Variants in CDH2 observed in about 807,000 individuals in gnomAD.
The protein encoded by CDH2 is cadherin 2.
CDH2 carries 17 observed loss-of-function variants against 92.0 expected under a neutral mutation model. The observed-to-expected ratio is 0.18, with a 90% CI of 0.13 to 0.28. The LOEUF (loss-of-function observed/expected upper bound fraction) is 0.28, where lower values mean the gene tolerates loss of function less well. Ranked by LOEUF, CDH2 falls within the 10% of genes least tolerant of loss-of-function variation. CDH2 has a pLI of 1.00. For synonymous variants in CDH2, 419 were observed against 415.9 expected, an observed-to-expected ratio of 1.01 and a Z score of -0.09; for missense variants, 862 against 1,133.1, an observed-to-expected ratio of 0.76 and a Z score of 3.44.
intron 2 of CDH2, among the ~76,000 whole-genome samples, chr18:28,114,598 TCTC>T (rs2015465396): frequency 6.6e-6 from 1 of 152,126 alleles, no homozygotes; most frequent in Non-Finnish European, 1.5e-5. Context: ...ATTATGTTCT[TCTC>T]CTTTAAATTC....
chr18:28,170,351 T>A (rs550656860), intron 1 of CDH2, among the ~76,000 whole-genome samples: 2 of 152,320 alleles, frequency 1.3e-5, no homozygotes, highest in Non-Finnish European at 1.5e-5. Context: ...GTAGCTTTTT[T>A]AAATTTTATT....
At chr18:28,139,488 A>G (rs2015918414) in intron 2 of CDH2, among the ~76,000 whole-genome samples, 1 of 152,030 alleles carries the variant, frequency 6.6e-6, no homozygotes, top group South Asian at 2.1e-4. Flanking sequence ...ACACACTCAA[A>G]TCAAGCTTCT....
At chr18:27,947,131 T>C (rs1001536010), downstream of CDH2, among the ~76,000 whole-genome samples, 1 of 151,800 alleles carries the variant, frequency 6.6e-6, no homozygotes, top group African/African-American at 2.4e-5. Context: ...ATTGCCGTTA[T>C]GATTGTTTGT....
At chr18:28,098,701 G>T (rs941798619) in intron 2 of CDH2, among the ~76,000 whole-genome samples, 1 of 152,148 alleles carries the variant, frequency 6.6e-6, no homozygotes. Context: ...GCACACAAAT[G>T]AGGAAACATG....
rs892895034 is a variant in CDH2 at position 28,003,122 on chromosome 18, C to T, written c.895G>A (p.Ala299Thr). ...VTAIDADDPN[A>T]LNGMLRYRIV... ...CTGTACCTCAACATCCCATTGAGGG[C>T]ATTGGGATCGTCAGCATCAATTGCT... Residue 299 changes from alanine (A) to threonine (T), a missense_variant, in exon 7 of 16, where the codon GCC (alanine) becomes ACC (threonine). By Grantham distance (58) the Ala-to-Thr change is moderately conservative. Transcript: ENST00000269141. The T allele has an allele frequency of 3.6e-5, 58 of 1,613,602 alleles. No individual in the cohort carries two copies. Among genetic ancestry groups the T allele is most frequent in the Non-Finnish European group, 4.6e-5 (54 of 1,179,706 alleles).
intron 15 of CDH2, chr18:27,959,471 G>A (rs944005423): frequency 2.0e-5 from 3 of 152,110 alleles, no homozygotes; most frequent in Non-Finnish European, 2.9e-5. Context: ...AAATTTGTGT[G>A]CCTTTTAAAT....
intron 7 of CDH2, among the ~76,000 whole-genome samples, chr18:27,999,328 T>C (rs997918578): frequency 5.3e-5 from 8 of 152,074 alleles, no homozygotes. Flanking sequence ...AACTTCATCC[T>C]ATAGGGCATG....
rs1342293248 is a variant in CDH2 at position 28,176,959 on chromosome 18, G to C, written c.60+4C>G. ...TGGCCCGGCCCGCGGGGACCGCCGC[G>C]TACCTGAAGCAGGGCCGCCAGCAGC... On this transcript the variant is annotated splice_donor_region_variant and intron_variant, in intron 1 of 15. Coordinates refer to ENST00000269141, the MANE Select transcript of CDH2 (RefSeq NM_001792.5). 3 of 1,380,586 alleles carry C rather than the reference G, an allele frequency of 2.2e-6. No individual in the cohort carries two copies. Among genetic ancestry groups the C allele is most frequent in the Non-Finnish European group, 2.8e-6 (3 of 1,063,872 alleles). The allele number at this position is 1,380,586 out of a possible 1,614,324, so 85.5% of individuals were successfully genotyped here.
intron 2 of CDH2, among the ~76,000 whole-genome samples, chr18:28,022,863 C>G (rs1050269152): frequency 2.0e-5 from 3 of 152,076 alleles, no homozygotes; most frequent in Non-Finnish European, 2.9e-5. Context: ...TCTATAAACT[C>G]TGTGTGTGTA....
intron 5 of CDH2, among the ~76,000 whole-genome samples, chr18:28,008,784 G>A (rs1359309792): frequency 6.6e-6 from 1 of 151,786 alleles, no homozygotes; most frequent in Non-Finnish European, 1.5e-5. Flanking sequence ...TTTAAAAGTT[G>A]GTAAAAGTAC....
chr18:28,086,694 T>A (rs765608156), intron 2 of CDH2, among the ~76,000 whole-genome samples: 8 of 78,890 alleles, frequency 1.0e-4, no homozygotes, highest in African/African-American at 2.4e-4. Context: ...TCTAGTTGAA[T>A]GGCTTCTTGT....
chr18:28,079,791 G>C (rs2014792356), intron 2 of CDH2, among the ~76,000 whole-genome samples: 1 of 152,022 alleles, frequency 6.6e-6, no homozygotes, highest in Admixed American at 6.6e-5. Context: ...ATGTGTAGTG[G>C]GTCACTGCTT....
chr18:28,127,294 C>T (rs999505213), intron 2 of CDH2, among the ~76,000 whole-genome samples: 3 of 152,198 alleles, frequency 2.0e-5, no homozygotes, highest in Non-Finnish European at 4.4e-5. Context: ...CTAGTTCCCA[C>T]AGGAGCAGTT....
In CDH2 at chr18:27,935,753, A is replaced by G. The variant is rs11564425; in HGVS notation, c.1152-2629T>C. On this transcript the variant is annotated intron_variant, in intron 6 of 6. Transcript: ENST00000675173. The stretch of plus-strand genomic sequence containing the variant: ...CTTAGCATGGTGCTTGGCACACAAC[A>G]GATGTCCAATCAGTCTCTATTGTTC... Among the ~76,000 whole-genome samples, 217 of 152,372 alleles carry G rather than the reference A, an allele frequency of 1.4e-3. 1 individual carries two copies. Among genetic ancestry groups the G allele is most frequent in the African/African-American group, 5.1e-3 (212 of 41,588 alleles).
chr18:28,041,467 G>A (rs1221332865), intron 2 of CDH2, among the ~76,000 whole-genome samples: 9 of 152,106 alleles, frequency 5.9e-5, no homozygotes, highest in Non-Finnish European at 7.4e-5. Context: ...ATCAAAGCCC[G>A]AAATCACACT....
At chr18:27,934,060 G>A (rs1231203903) in intron 6 of CDH2, among the ~76,000 whole-genome samples, 1 of 152,192 alleles carries the variant, frequency 6.6e-6, no homozygotes, top group Non-Finnish European at 1.5e-5. Flanking sequence ...TGACTGGCCT[G>A]TTTATATTCT....
At chr18:27,941,541 G>A (rs1331505993) in intron 6 of CDH2, among the ~76,000 whole-genome samples, 3 of 152,088 alleles carry the variant, frequency 2.0e-5, no homozygotes, top group Non-Finnish European at 2.9e-5. Flanking sequence ...TCTGATTAAC[G>A]AAAGCAATTA....
intron 6 of CDH2, among the ~76,000 whole-genome samples, chr18:27,933,698 C>T (rs532402200): frequency 7.9e-5 from 12 of 152,240 alleles, no homozygotes; most frequent in South Asian, 2.1e-4. Context: ...TTCGGATGCC[C>T]GAAGTCACTA....
intron 1 of CDH2, among the ~76,000 whole-genome samples, chr18:28,155,692 CGTTA>C (rs1247250148): frequency 5.3e-5 from 8 of 152,134 alleles, no homozygotes; most frequent in African/African-American, 1.7e-4. Flanking sequence ...CTGTTAACGT[CGTTA>C]GTTGAGTACA....
Sources: gnomAD v4.1 joint callset for allele counts (sites outside exome capture counted in the v4.1 genomes callset) on GRCh38, gnomAD v4.1.1 for gene constraint, MANE v1.5 for transcripts, NCBI Gene and HGNC (gene_info 2026-07-23, HGNC 2026-07-21) for gene names.